The following SCYL2 variants were observed in gnomAD, a reference collection of about 807,000 sequenced individuals.
The protein encoded by SCYL2 is SCY1-like protein 2.
SCYL2 carries 36 observed loss-of-function variants against 100.4 expected under a neutral mutation model. That is an observed-to-expected ratio of 0.36 (90% CI 0.27 to 0.47). The LOEUF is 0.47. SCYL2 is among the 20% of genes least tolerant of loss of function. SCYL2 has a pLI of 1.00. For synonymous variants in SCYL2, 330 were observed against 359.2 expected (o/e 0.92, Z 0.92); for missense variants, 902 against 1,083.9 (o/e 0.83, Z 2.36).
chr12:100,334,380 T>C (rs1031062691), intron 14 of SCYL2, 114 bp downstream of exon 14: 1 of 691,028 alleles, frequency 1.4e-6, no homozygotes, highest in Non-Finnish European at 2.5e-6. Flanking sequence ...TTTGACCACA[T>C]GTAAAACATT....
chr12:100,271,286 A>G (rs1398381568), intron 1 of SCYL2, among the ~76,000 whole-genome samples: 1 of 145,022 alleles, frequency 6.9e-6, no homozygotes, highest in Non-Finnish European at 1.5e-5. Context: ...AAAAAAAGAG[A>G]GAGAGAATAT....
At chr12:100,274,076 A>G (rs1236416904) in intron 1 of SCYL2, among the ~76,000 whole-genome samples, 2 of 152,244 alleles carry the variant, frequency 1.3e-5, no homozygotes, top group African/African-American at 4.8e-5. Flanking sequence ...GCTGCTTACA[A>G]AAATGCAGCA....
intron 14 of SCYL2, 133 bp from the exon 15 acceptor site, chr12:100,335,492 T>G (rs1952263619): frequency 1.6e-6 from 1 of 625,048 alleles, no homozygotes; most frequent in Admixed American, 3.3e-5. Flanking sequence ...TAGAAAATAA[T>G]GGAAAAGATG....
chr12:100,279,520 A>G (rs1234432482), intron 1 of SCYL2, among the ~76,000 whole-genome samples: 1 of 152,178 alleles, frequency 6.6e-6, no homozygotes, highest in Non-Finnish European at 1.5e-5. Context: ...TGAATGTTAC[A>G]TTGTTTAGTA....
intron 2 of SCYL2, among the ~76,000 whole-genome samples, chr12:100,284,952 C>T (rs1249931214): frequency 2.0e-5 from 3 of 152,084 alleles, no homozygotes; most frequent in Non-Finnish European, 4.4e-5. Flanking sequence ...TGGAAGGACC[C>T]CTTCAGCTCA....
intron 1 of SCYL2, among the ~76,000 whole-genome samples, chr12:100,273,658 T>C (rs1371947795): frequency 6.6e-6 from 1 of 152,212 alleles, no homozygotes; most frequent in Non-Finnish European, 1.5e-5. Context: ...GTAACTGTAG[T>C]TTGCAGACCA....
chr12:100,313,309 TGTA>T (rs146967209), intron 6 of SCYL2, 110 bp from the exon 7 acceptor site: 6,727 of 482,348 alleles, frequency 0.014, 82 homozygotes, highest in Middle Eastern at 0.026. Context: ...GTGTTTAAAA[TGTA>T]GTCAGTATAT....
At position 100,317,832 on chromosome 12, in the gene SCYL2, T is replaced by C. The variant is rs1196441982; in HGVS notation, c.1302T>C (p.Asp434=). The C allele has an allele frequency of 6.2e-7, 1 of 1,604,448 alleles. No individual in the cohort carries two copies. Among genetic ancestry groups the C allele is most frequent in the East Asian group, 2.2e-5 (1 of 44,734 alleles). The part of the protein sequence containing the change: ...QILLIFLQKM[D]LLLTKTPPDE... The stretch of plus-strand genomic sequence containing the variant: ...TGTTAATTTTCCTACAAAAAATGGA[T>C]TTGCTACTAACCAAAACCCCTCCTG... Residue 434 remains aspartate, a synonymous_variant, in exon 10 of 18, where the codon GAT becomes GAC. Coordinates refer to ENST00000360820, the MANE Select transcript of SCYL2 (RefSeq NM_017988.6).
chr12:100,313,429 G>T lies in SCYL2; in HGVS notation c.860G>T (p.Arg287Leu). 1 of 1,533,998 alleles carries T rather than the reference G, an allele frequency of 6.5e-7. No individual in the cohort carries two copies. The highest frequency in any genetic ancestry group is 9.0e-7 in the Non-Finnish European group (1 of 1,110,052). The change falls in exon 7 of 18, where the codon CGT becomes CTT. Residue 287 changes from arginine to leucine, a missense_variant. By Grantham distance (102) the Arg-to-Leu change is moderately radical. Coordinates refer to ENST00000360820, the MANE Select transcript of SCYL2 (RefSeq NM_017988.6). ...SFSRQLDQLS[R>L]LGSSSLTNIP... The stretch of plus-strand genomic sequence containing the variant: ...TATCACTCTTTTGAATAGTTGAGTC[G>T]TTTAGGATCTAGTTCACTTACAAAT...
At chr12:100,311,767 G>A (rs1470360882) in intron 5 of SCYL2, among the ~76,000 whole-genome samples, 3 of 152,152 alleles carry the variant, frequency 2.0e-5, no homozygotes, top group Admixed American at 2.0e-4. Context: ...TAGGATACCT[G>A]CCTATTCATA....
rs1230758142 is a variant in SCYL2 at position 100,323,408 on chromosome 12, T to C, written c.1396-117T>C. The stretch of plus-strand genomic sequence containing the variant: ...GTTGTTGAAAGGACCAAATAATATA[T>C]ATGAAAATTTGTTTCAAACTATATG... On this transcript the variant is annotated intron_variant, in intron 10 of 17. Transcript: ENST00000360820. 3 of 645,898 alleles carry C rather than the reference T, an allele frequency of 4.6e-6. No homozygotes were observed. The African/African-American group carries it at 5.6e-5, about 12-fold the overall frequency. The allele number at this position is 645,898 out of a possible 1,614,324, so 40.0% of individuals were successfully genotyped here.
chr12:100,335,844 G>A lies in SCYL2; in HGVS notation c.1963G>A (p.Asp655Asn), dbSNP rs143038996. Residue 655 changes from aspartate to asparagine, a missense_variant, in exon 16 of 18, where the codon GAC (aspartate) becomes AAC (asparagine). Transcript: ENST00000360820. Reference sequence around the variant, plus strand: ...CAAAGTTTTTAACAACATTGGAGCAGACCTTCTGACTGGCAGTGAGTCCGA... The same window carrying A: ...CAAAGTTTTTAACAACATTGGAGCAAACCTTCTGACTGGCAGTGAGTCCGA... Reference protein sequence around the residue: ...IDKVFNNIGADLLTGSESENK... With the variant: ...IDKVFNNIGANLLTGSESENK... The A allele has an allele frequency of 5.6e-6, 9 of 1,613,278 alleles. No homozygotes were observed. In the African/African-American group the frequency reaches 1.1e-4, roughly 19 times the overall value.
chr12:100,329,515 T>G (rs907324806), intron 13 of SCYL2, among the ~76,000 whole-genome samples, 196 bp downstream of exon 13: 2 of 152,150 alleles, frequency 1.3e-5, no homozygotes, highest in Non-Finnish European at 2.9e-5. Flanking sequence ...ATGAGCAGGA[T>G]GTTGAGAAAT....
At chr12:100,322,389 A>G (rs1380035998) in intron 10 of SCYL2, among the ~76,000 whole-genome samples, 3 of 151,224 alleles carry the variant, frequency 2.0e-5, no homozygotes, top group Non-Finnish European at 4.4e-5. Flanking sequence ...AAAAAAAAAA[A>G]AAAAGAAAAC....
At chr12:100,312,735 A>G in intron 6 of SCYL2, 82 bp downstream of exon 6, 2 of 909,378 alleles carry the variant, frequency 2.2e-6, no homozygotes, top group African/African-American at 1.7e-5. Flanking sequence ...TGTTCAGGAA[A>G]TTCTTTAAAT....
intron 4 of SCYL2, among the ~76,000 whole-genome samples, chr12:100,310,200 T>A (rs550296064): frequency 7.9e-5 from 12 of 152,310 alleles, no homozygotes; most frequent in African/African-American, 2.9e-4. Flanking sequence ...GGTTTCCCCA[T>A]GTTGGCTAGG....
intron 4 of SCYL2, among the ~76,000 whole-genome samples, chr12:100,300,983 C>T (rs557838911): frequency 9.2e-5 from 14 of 152,246 alleles, no homozygotes; most frequent in African/African-American, 2.2e-4. Flanking sequence ...CTTTGCTATA[C>T]GGATTTCCTT....
rs757652932 is a variant in SCYL2, at chr12:100,313,391, A to G, written c.853-31A>G. 5 of 987,190 alleles carry G rather than the reference A, an allele frequency of 5.1e-6. No homozygotes were observed. In the Admixed American group the frequency reaches 6.4e-5, roughly 13 times the overall value. The allele number at this position is 987,190 out of a possible 1,614,324, so 61.2% of individuals were successfully genotyped here. On this transcript the variant is annotated intron_variant, in intron 6 of 17. Coordinates refer to ENST00000360820, the MANE Select transcript of SCYL2 (RefSeq NM_017988.6). ...GTATATGTCTTTTTAAATATTTTAT[A>G]CTCATTTAATGTTATCACTCTTTTG... is the stretch of plus-strand genomic sequence containing the variant.
At chr12:100,286,356 T>G (rs865847958) in intron 2 of SCYL2, among the ~76,000 whole-genome samples, 1 of 152,214 alleles carries the variant, frequency 6.6e-6, no homozygotes, top group Non-Finnish European at 1.5e-5. Flanking sequence ...GATTCTGTAT[T>G]GTCAAGGAAT....
Sources: gnomAD v4.1 joint callset for allele counts (sites outside exome capture counted in the v4.1 genomes callset) on GRCh38, gnomAD v4.1.1 for gene constraint, MANE v1.5 for transcripts, NCBI Gene and HGNC (gene_info 2026-07-23, HGNC 2026-07-21) for gene names.